MCM9: variants seen among roughly 807,000 people sequenced by gnomAD.
MCM9 encodes the protein DNA helicase MCM9.
In MCM9, 55 loss-of-function variants were observed where a neutral mutation model predicts 72.8. The observed-to-expected ratio is 0.76, with a 90% CI of 0.61 to 0.95. MCM9 has a LOEUF of 0.95. MCM9 is among the 40% of genes least tolerant of loss of function. The pLI is 0.00. For missense variants in MCM9, 1,279 were observed against 1,377.0 expected (o/e 0.93, Z 1.13); for synonymous variants, 480 against 503.4 (o/e 0.95, Z 0.62).
At chr6:118,922,682 G>A (rs1367277002) in intron 4 of MCM9, among the ~76,000 whole-genome samples, 2 of 152,188 alleles carry the variant, frequency 1.3e-5, no homozygotes, top group African/African-American at 4.8e-5. Flanking sequence ...ACATGTGATG[G>A]AGTTGTAGCC....
chr6:118,848,733 G>A (rs1341445265), intron 9 of MCM9, among the ~76,000 whole-genome samples: 1 of 152,132 alleles, frequency 6.6e-6, no homozygotes, highest in African/African-American at 2.4e-5. Flanking sequence ...AGACCAGACT[G>A]TGCAACATGG....
chr6:118,916,693 G>C (rs1780993782), intron 6 of MCM9, among the ~76,000 whole-genome samples: 1 of 151,916 alleles, frequency 6.6e-6, no homozygotes, highest in East Asian at 1.9e-4. Context: ...ATAGAGACAG[G>C]GTTTCACCAT....
intron 8 of MCM9, among the ~76,000 whole-genome samples, chr6:118,885,018 A>G (rs1048486167): frequency 2.6e-5 from 4 of 152,106 alleles, no homozygotes; most frequent in Admixed American, 2.6e-4. Flanking sequence ...AACATGGTGA[A>G]ACCCCATCTC....
chr6:118,838,767 T>G (rs1205889016), intron 9 of MCM9, among the ~76,000 whole-genome samples: 1 of 152,186 alleles, frequency 6.6e-6, no homozygotes, highest in Non-Finnish European at 1.5e-5. Flanking sequence ...CCCACTCTCT[T>G]CTGGTTTGTA....
intron 8 of MCM9, chr6:118,905,607 AG>A (rs763532471): frequency 6.7e-7 from 1 of 1,484,980 alleles, no homozygotes; most frequent in Non-Finnish European, 9.1e-7. Context: ...TGCCACTAAC[AG>A]CCTTTTGTGT....
rs1289677712 is a variant in MCM9, at chr6:118,813,607, G to T, written c.*1217C>A. ...AGTTTTGAGTATTCTATGTCCAAAA[G>T]TCCCTCTGACAATTAAACAATCAGT... On this transcript the variant is annotated 3_prime_UTR_variant, in exon 14 of 14. Transcript: ENST00000619706. The T allele has an allele frequency of 6.6e-6, 1 of 152,148 alleles. No individual in the cohort carries two copies. The highest frequency in any genetic ancestry group is 2.4e-5 in the African/African-American group (1 of 41,444). The allele number at this position is 152,148 out of a possible 1,614,324, so 9.4% of individuals were successfully genotyped here. A position where few individuals can be genotyped will look rare whatever the true frequency, so the allele number is the denominator to read the frequency against.
intron 7 of MCM9, chr6:118,912,449 T>G (rs1475098822): frequency 6.6e-6 from 1 of 152,226 alleles, no homozygotes; most frequent in East Asian, 1.9e-4. Flanking sequence ...ATGGTACATA[T>G]GATTTCACTG....
rs1337393421 is a variant in MCM9 at position 118,815,728 on chromosome 6, T to C, written c.2528A>G (p.His843Arg). The C allele has an allele frequency of 1.3e-6, 2 of 1,545,062 alleles. No individual in the cohort carries two copies. Among genetic ancestry groups the C allele is most frequent in the Non-Finnish European group, 1.7e-6 (2 of 1,146,806 alleles). The change falls in exon 14 of 14, where the codon CAT (histidine) becomes CGT (arginine). Residue 843 changes from histidine (H) to arginine (R), a missense_variant. Physicochemically the swap from His to Arg is conservative, Grantham distance 29 (BLOSUM62 0). Coordinates refer to ENST00000619706, the MANE Select transcript of MCM9 (RefSeq NM_017696.3). ...CAGCTTCTGCAGGTTCCTGGGGACATGATGAGTCAGTACTGAGTCTGGTTT... is the reference window on the plus strand; with the variant it reads ...CAGCTTCTGCAGGTTCCTGGGGACACGATGAGTCAGTACTGAGTCTGGTTT... The part of the protein sequence containing the change: ...ADKPDSVLTH[H>R]VPRNLQKLCK...
At chr6:118,894,349 C>A (rs1007486664) in intron 8 of MCM9, 2 of 1,532,182 alleles carry the variant, frequency 1.3e-6, no homozygotes, top group Non-Finnish European at 1.7e-6. Context: ...CCCGAGCGGC[C>A]GCGCGCTGGA....
chr6:118,924,436 T>G (rs1301169554), intron 3 of MCM9, among the ~76,000 whole-genome samples: 3 of 152,226 alleles, frequency 2.0e-5, no homozygotes, highest in African/African-American at 4.8e-5. Flanking sequence ...ACAAGAGGGC[T>G]ATCTCAGTAG....
chr6:118,815,587 G>A lies in MCM9; in HGVS notation c.2669C>T (p.Ser890Leu), dbSNP rs1160848788. The A allele has an allele frequency of 6.4e-7, 1 of 1,550,390 alleles. No homozygotes were observed. The highest frequency in any genetic ancestry group is 8.7e-7 in the Non-Finnish European group (1 of 1,146,880). ...GGATTTCGGTCTCTTTCTTTTGGGT[G>A]AGTCCAGCATTCTGTCTGGGCTATG... ...PVHSPDRMLD[S>L]PKRKRPKSLA... Residue 890 changes from serine to leucine, a missense_variant, in exon 14 of 14, where the codon TCA (serine) becomes TTA (leucine). Physicochemically the swap from Ser to Leu is moderately radical, Grantham distance 145. Coordinates refer to ENST00000619706, the MANE Select transcript of MCM9 (RefSeq NM_017696.3).
chr6:118,888,272 G>T (rs1778723435), intron 8 of MCM9, among the ~76,000 whole-genome samples: 1 of 152,118 alleles, frequency 6.6e-6, no homozygotes, highest in South Asian at 2.1e-4. Flanking sequence ...GGATCACAAG[G>T]TCAGTAGATC....
rs1162959176 is a variant in MCM9 at position 118,814,653 on chromosome 6, T to C, written c.*171A>G. 3.5e-6 allele frequency: 2 copies of C among 577,222 alleles called. No homozygotes were observed. The highest frequency in any genetic ancestry group is 5.6e-6 in the Non-Finnish European group (2 of 356,860). The allele number at this position is 577,222 out of a possible 1,614,324, so 35.8% of individuals were successfully genotyped here. ...CTGACCTCAACTGATTATACAACTT[T>C]TTAAGTCATGAAGATTAACCTGAAA... On this transcript the variant is annotated 3_prime_UTR_variant, in exon 14 of 14. Transcript: ENST00000619706.
intron 8 of MCM9, among the ~76,000 whole-genome samples, chr6:118,882,334 T>C (rs569579233): frequency 4.1e-4 from 62 of 152,292 alleles, no homozygotes; most frequent in African/African-American, 1.4e-3. Context: ...AAACTGACTT[T>C]ATTTGGAACA....
chr6:118,839,372 G>A (rs2114606719), intron 9 of MCM9, among the ~76,000 whole-genome samples: 1 of 152,108 alleles, frequency 6.6e-6, no homozygotes, highest in East Asian at 1.9e-4. Flanking sequence ...GTTAGAACAT[G>A]CTCCTTTAGC....
intron 8 of MCM9, among the ~76,000 whole-genome samples, chr6:118,910,191 G>C (rs1562434238): frequency 6.7e-6 from 1 of 149,402 alleles, no homozygotes. Flanking sequence ...CACATCCTTA[G>C]TGCACCTTTA....
intron 8 of MCM9, among the ~76,000 whole-genome samples, chr6:118,884,588 T>C (rs1334368900): frequency 6.6e-6 from 1 of 151,502 alleles, no homozygotes; most frequent in Non-Finnish European, 1.5e-5. Context: ...ATCAGTAACA[T>C]TAAATGTGAA....
chr6:118,847,448 A>T (rs1401524073), intron 9 of MCM9, among the ~76,000 whole-genome samples: 1 of 149,936 alleles, frequency 6.7e-6, no homozygotes, highest in East Asian at 1.9e-4. Context: ...AAAGAAATTA[A>T]CATTTGAATC....
intron 8 of MCM9, among the ~76,000 whole-genome samples, chr6:118,857,626 C>CAAAAAAAAA (rs1203197065): frequency 2.0e-4 from 14 of 70,906 alleles, no homozygotes; most frequent in African/African-American, 3.3e-4. Context: ...CCAGACTGAC[C>CAAAAAAAAA]AAAAAAAAAA....
Sources: gnomAD v4.1 joint callset for allele counts (sites outside exome capture counted in the v4.1 genomes callset) on GRCh38, gnomAD v4.1.1 for gene constraint, MANE v1.5 for transcripts, NCBI Gene and HGNC (gene_info 2026-07-23, HGNC 2026-07-21) for gene names.